DLGAP1: variants seen among roughly 807,000 people sequenced by gnomAD.
DLGAP1 encodes disks large-associated protein 1.
DLGAP1 carries 11 observed loss-of-function variants against 90.8 expected under a neutral mutation model. The observed-to-expected ratio is 0.12, with a 90% CI of 0.08 to 0.20. The LOEUF is 0.20. DLGAP1 is among the 10% of genes least tolerant of loss of function. The pLI, the probability that DLGAP1 is intolerant of heterozygous loss-of-function variation, is 1.00. For missense variants in DLGAP1, 1,050 were observed against 1,333.8 expected (o/e 0.79, Z 3.31); for synonymous variants, 558 against 540.7 (o/e 1.03, Z -0.44).
intron 1 of DLGAP1, among the ~76,000 whole-genome samples, chr18:4,202,035 C>A (rs72860629): frequency 0.091 from 13,858 of 151,956 alleles, 1,021 homozygotes; most frequent in East Asian, 0.39. Context: ...ATGTTTATTG[C>A]AGCATAATTC....
At chr18:4,143,136 GC>G (rs2076523393) in intron 2 of DLGAP1, among the ~76,000 whole-genome samples, 1 of 151,904 alleles carries the variant, frequency 6.6e-6, no homozygotes. Flanking sequence ...ACGTATATTT[GC>G]TCAAGGCCCT....
At chr18:4,363,424 C>T (rs2081676240) in intron 1 of DLGAP1, among the ~76,000 whole-genome samples, 1 of 152,164 alleles carries the variant, frequency 6.6e-6, no homozygotes, top group Non-Finnish European at 1.5e-5. Flanking sequence ...TAATAATTCA[C>T]AGGATAACTA....
intron 7 of DLGAP1, among the ~76,000 whole-genome samples, chr18:3,647,655 G>A (rs2059168454): frequency 6.6e-6 from 1 of 151,640 alleles, no homozygotes; most frequent in African/African-American, 2.4e-5. Flanking sequence ...TAGTAGAGAT[G>A]GGGTTTCACC....
intron 7 of DLGAP1, among the ~76,000 whole-genome samples, chr18:3,714,178 G>C (rs2061683945): frequency 6.6e-6 from 1 of 152,168 alleles, no homozygotes; most frequent in African/African-American, 2.4e-5. Context: ...TGGGTGTCCT[G>C]TTCAGTCATA....
At position 3,568,981 on chromosome 18, in the gene DLGAP1, T is replaced by C. The variant is rs182586660; in HGVS notation, c.1966-1400A>G. Among the ~76,000 whole-genome samples, 223 of 150,260 alleles carry C rather than the reference T, an allele frequency of 1.5e-3. 3 individuals carry two copies. Among genetic ancestry groups the C allele is most frequent in the East Asian group, 0.013 (61 of 4,546 alleles). Reference sequence around the variant, plus strand: ...GATTACAGCCATGAGCCACCACGCCTGGCCTAAATGATTATTTTATTTTAT... The same window carrying C: ...GATTACAGCCATGAGCCACCACGCCCGGCCTAAATGATTATTTTATTTTAT... On this transcript the variant is annotated intron_variant, in intron 8 of 12. Coordinates refer to ENST00000315677, the MANE Select transcript of DLGAP1 (RefSeq NM_004746.4).
intron 5 of DLGAP1, among the ~76,000 whole-genome samples, chr18:3,769,691 A>G (rs1249852769): frequency 6.6e-6 from 1 of 152,148 alleles, no homozygotes; most frequent in Non-Finnish European, 1.5e-5. Flanking sequence ...TGCGAGGGGT[A>G]AAGAAAGTGG....
intron 2 of DLGAP1, among the ~76,000 whole-genome samples, chr18:4,007,654 T>TCAAACAAA (rs58276911): frequency 0.061 from 9,212 of 151,772 alleles, 783 homozygotes; most frequent in African/African-American, 0.19. Flanking sequence ...AGGCTCCATC[T>TCAAACAAA]CAAACAAACA....
intron 11 of DLGAP1, 70 bp downstream of exon 11, chr18:3,508,500 G>A: frequency 8.9e-7 from 1 of 1,117,466 alleles, no homozygotes; most frequent in East Asian, 2.6e-5. Flanking sequence ...TACTTTAGTT[G>A]GGCCAGTCTT....
rs1277760285 is a variant in DLGAP1 at position 3,759,877 on chromosome 18, A to G, written c.1173-17365T>C. 2.6e-5 allele frequency among the ~76,000 whole-genome samples: 4 copies of G among 152,354 alleles called. No individual in the cohort carries two copies. In the East Asian group the frequency reaches 5.8e-4, roughly 22 times the overall value. ...GTCACCAGGTAAAAGTGAGCCAGAC[A>G]TAGTCATTCCAGATCCAGGGAGCTG... On this transcript the variant is annotated intron_variant, in intron 5 of 12. Transcript: ENST00000315677.
chr18:3,921,055 C>A (rs946178765), intron 3 of DLGAP1, among the ~76,000 whole-genome samples: 1 of 152,134 alleles, frequency 6.6e-6, no homozygotes, highest in Non-Finnish European at 1.5e-5. Context: ...ATTTTTCCAA[C>A]ATAGTAATGT....
intron 3 of DLGAP1, among the ~76,000 whole-genome samples, chr18:3,890,125 C>T (rs1461738781): frequency 1.3e-5 from 2 of 152,206 alleles, no homozygotes; most frequent in Non-Finnish European, 2.9e-5. Context: ...GAACCTCCAC[C>T]ACTGTGGTCT....
intron 1 of DLGAP1, among the ~76,000 whole-genome samples, chr18:4,209,446 T>C (rs1183152361): frequency 6.6e-6 from 1 of 152,228 alleles, no homozygotes; most frequent in East Asian, 1.9e-4. Flanking sequence ...TTACCTTGAT[T>C]AGTGTTTCAA....
chr18:3,511,882 A>T (rs536582924), intron 10 of DLGAP1, among the ~76,000 whole-genome samples: 2 of 152,318 alleles, frequency 1.3e-5, no homozygotes, highest in South Asian at 2.1e-4. Context: ...CACTGAATTC[A>T]TAAGGTCTCT....
chr18:3,691,759 A>G (rs373278399), intron 7 of DLGAP1, among the ~76,000 whole-genome samples: 54 of 152,044 alleles, frequency 3.6e-4, no homozygotes, highest in African/African-American at 1.3e-3. Context: ...AGAAAAAGAA[A>G]AAAAGAGTTA....
intron 7 of DLGAP1, chr18:3,680,081 G>A (rs1240519887): frequency 2.6e-5 from 4 of 152,112 alleles, no homozygotes. Flanking sequence ...TCTTCACCAG[G>A]GGTCTTGGTC....
chr18:3,685,883 A>G (rs2060686550), intron 7 of DLGAP1, among the ~76,000 whole-genome samples: 1 of 152,060 alleles, frequency 6.6e-6, no homozygotes, highest in Admixed American at 6.5e-5. Context: ...TTAGAAAGGG[A>G]ATGCTGTAGG....
chr18:3,663,700 A>G (rs755077382), intron 7 of DLGAP1, among the ~76,000 whole-genome samples: 15 of 152,190 alleles, frequency 9.9e-5, no homozygotes, highest in Non-Finnish European at 1.9e-4. Flanking sequence ...TCAGGAGCCC[A>G]CACTCCCAGC....
intron 5 of DLGAP1, among the ~76,000 whole-genome samples, chr18:3,786,782 T>C (rs1336969752): frequency 6.6e-6 from 1 of 152,180 alleles, no homozygotes; most frequent in South Asian, 2.1e-4. Context: ...ATCTGTTGTA[T>C]AAAACAAGAC....
intron 7 of DLGAP1, among the ~76,000 whole-genome samples, chr18:3,685,563 CAAAAAAAAAAA>C (rs59737533): frequency 1.2e-4 from 9 of 76,590 alleles, no homozygotes; most frequent in African/African-American, 2.2e-4. Flanking sequence ...GATTCCGTCT[CAAAAAAAAAAA>C]AAAAAAAAAA....
Sources: gnomAD v4.1 joint callset for allele counts (sites outside exome capture counted in the v4.1 genomes callset) on GRCh38, gnomAD v4.1.1 for gene constraint, MANE v1.5 for transcripts, NCBI Gene and HGNC (gene_info 2026-07-23, HGNC 2026-07-21) for gene names.